The following KCNK9 variants were observed in gnomAD, a reference collection of about 807,000 sequenced individuals.
The protein encoded by KCNK9 is potassium two pore domain channel subfamily K member 9, also known as potassium channel subfamily K member 9.
A neutral mutation model predicts 10.8 loss-of-function variants in KCNK9; 1 was observed. The ratio of observed to expected loss-of-function variants is 0.09; its 90% CI spans 0.03 to 0.44. The LOEUF (loss-of-function observed/expected upper bound fraction) is 0.44. KCNK9 is among the 20% of genes least tolerant of loss of function. The pLI is 0.97. For synonymous variants in KCNK9, 231 were observed against 222.7 expected (o/e 1.04, Z -0.33); for missense variants, 303 against 515.0 (o/e 0.59, Z 3.98).
intron 1 of KCNK9, among the ~76,000 whole-genome samples, chr8:139,680,472 C>A (rs1399505009): frequency 1.3e-5 from 2 of 152,190 alleles, no homozygotes; most frequent in Non-Finnish European, 2.9e-5. Flanking sequence ...CCACCTCAGG[C>A]ACAGTCCTGG....
chr8:139,615,459 T>A (rs1021353974), downstream of KCNK9, among the ~76,000 whole-genome samples: 1 of 152,074 alleles, frequency 6.6e-6, no homozygotes, highest in East Asian at 1.9e-4. Context: ...TCTGAGACCA[T>A]TTCATGCTAT....
chr8:139,690,261 T>C (rs1816910401), intron 1 of KCNK9, among the ~76,000 whole-genome samples: 1 of 152,234 alleles, frequency 6.6e-6, no homozygotes, highest in African/African-American at 2.4e-5. Flanking sequence ...TCTGATCTTC[T>C]AGATCCTCAT....
At chr8:139,680,792 C>A (rs2129763202) in intron 1 of KCNK9, among the ~76,000 whole-genome samples, 1 of 152,278 alleles carries the variant, frequency 6.6e-6, no homozygotes, top group East Asian at 1.9e-4. Flanking sequence ...AGGATGGAAC[C>A]CAGGCGGTCG....
At chr8:139,641,630 GC>G (rs10571858) in intron 1 of KCNK9, among the ~76,000 whole-genome samples, 34,686 of 151,446 alleles carry the variant, frequency 0.23, 4,682 homozygotes, top group East Asian at 0.66. Context: ...GCTCTGGCCT[GC>G]CCCCCCCCCG....
chr8:139,666,305 G>A (rs987100572), intron 1 of KCNK9, among the ~76,000 whole-genome samples: 12 of 152,178 alleles, frequency 7.9e-5, no homozygotes, highest in African/African-American at 2.9e-4. Flanking sequence ...TGTGTAGGGT[G>A]GGTAAGACAA....
intron 1 of KCNK9, among the ~76,000 whole-genome samples, chr8:139,623,255 T>A (rs1490132329): frequency 2.0e-5 from 3 of 152,178 alleles, no homozygotes; most frequent in Non-Finnish European, 1.5e-5. Flanking sequence ...ACAGCTCAAG[T>A]CCTGAGAAAC....
chr8:139,688,276 A>T (rs1227116765), intron 1 of KCNK9, among the ~76,000 whole-genome samples: 1 of 152,206 alleles, frequency 6.6e-6, no homozygotes, highest in East Asian at 1.9e-4. Context: ...ATCCGTTCTC[A>T]CACTGCTATA....
rs139292674 is a variant in KCNK9 at position 139,695,977 on chromosome 8, T to C, written c.283+6733A>G. Among the ~76,000 whole-genome samples the C allele has an allele frequency of 5.0e-4, 76 of 152,312 alleles. No homozygotes were observed. In the East Asian group the frequency reaches 0.014, roughly 28 times the overall value. The stretch of plus-strand genomic sequence containing the variant: ...CAGGCTCAACTTCGCATCTGTGAGC[T>C]GAAATCCCTCTCATCTTCCAGGTCT... On this transcript the variant is annotated intron_variant, in intron 1 of 1. Transcript: ENST00000520439.
At position 139,634,803 on chromosome 8, in the gene KCNK9, A is replaced by G. The variant is rs1174913487; in HGVS notation, c.284-15704T>C. Among the ~76,000 whole-genome samples, 4 of 152,306 alleles carry G rather than the reference A, an allele frequency of 2.6e-5. No homozygotes were observed. In the East Asian group the frequency reaches 7.7e-4, roughly 29 times the overall value. ...GGGGAATCCTTGGCTTGAGGGGAGC[A>G]GGAGGAAGACAACAGCCATCAGCCG... is the stretch of plus-strand genomic sequence containing the variant. On this transcript the variant is annotated intron_variant, in intron 1 of 1. Coordinates refer to ENST00000520439, the MANE Select transcript of KCNK9 (RefSeq NM_001282534.2).
intron 1 of KCNK9, among the ~76,000 whole-genome samples, chr8:139,632,053 G>A (rs911209789): frequency 2.0e-5 from 3 of 152,182 alleles, no homozygotes; most frequent in Admixed American, 6.5e-5. Context: ...GATGCCTCTT[G>A]GGAGGTTTGA....
chr8:139,648,051 G>T (rs930382632), intron 1 of KCNK9, among the ~76,000 whole-genome samples: 2 of 152,190 alleles, frequency 1.3e-5, no homozygotes. Context: ...ATAAGACCTG[G>T]AATTTTATCC....
intron 1 of KCNK9, among the ~76,000 whole-genome samples, chr8:139,665,956 T>C (rs1337597193): frequency 6.6e-6 from 1 of 152,076 alleles, no homozygotes; most frequent in Non-Finnish European, 1.5e-5. Context: ...GTTAAATGCA[T>C]CAACACCCGC....
At chr8:139,638,116 T>G (rs1402702626) in intron 1 of KCNK9, among the ~76,000 whole-genome samples, 2 of 151,752 alleles carry the variant, frequency 1.3e-5, no homozygotes, top group African/African-American at 4.8e-5. Context: ...CTGGAATCTC[T>G]CTAACAAGCA....
intron 1 of KCNK9, among the ~76,000 whole-genome samples, chr8:139,687,236 C>T (rs1816808917): frequency 6.6e-6 from 1 of 151,642 alleles, no homozygotes; most frequent in Admixed American, 6.6e-5. Context: ...CTAGCTGTCA[C>T]CTCTTAGACA....
At chr8:139,602,903 T>A (rs1470086364) in intron 2 of KCNK9, among the ~76,000 whole-genome samples, 3 of 152,202 alleles carry the variant, frequency 2.0e-5, no homozygotes, top group African/African-American at 4.8e-5. Context: ...ATTCTTTACA[T>A]GGTGGCGTAT....
chr8:139,685,892 CCCA>C (rs1273501300), intron 1 of KCNK9, among the ~76,000 whole-genome samples: 1 of 152,294 alleles, frequency 6.6e-6, no homozygotes, highest in Admixed American at 6.5e-5. Flanking sequence ...AATTTACACT[CCCA>C]CCAACAGTAT....
At chr8:139,647,338 C>T (rs760243655) in intron 1 of KCNK9, among the ~76,000 whole-genome samples, 6 of 152,222 alleles carry the variant, frequency 3.9e-5, no homozygotes, top group Non-Finnish European at 7.3e-5. Context: ...CAACAAACAG[C>T]CCATGAGGAC....
chr8:139,698,612 G>C (rs935571453), intron 1 of KCNK9, among the ~76,000 whole-genome samples: 2 of 152,196 alleles, frequency 1.3e-5, no homozygotes, highest in Admixed American at 6.5e-5. Flanking sequence ...GCAACCAACT[G>C]TTTGGGTTTC....
intron 1 of KCNK9, among the ~76,000 whole-genome samples, chr8:139,677,672 AG>A: frequency 6.7e-6 from 1 of 148,888 alleles, no homozygotes; most frequent in African/African-American, 2.5e-5. Context: ...TAATACCTCG[AG>A]TCCCAGCCCA....
Sources: allele counts gnomAD v4.1 joint callset (sites outside exome capture counted in the v4.1 genomes callset), GRCh38; gene constraint gnomAD v4.1.1; transcripts MANE v1.5; gene names NCBI Gene and HGNC (gene_info 2026-07-23, HGNC 2026-07-21).